The following CCDC88C variants were observed in gnomAD, a reference collection of about 807,000 sequenced individuals.
The protein encoded by CCDC88C is protein Daple.
In CCDC88C, 131 loss-of-function variants were observed where a neutral mutation model predicts 198.8. The ratio of observed to expected loss-of-function variants is 0.66; its 90% CI spans 0.57 to 0.76. The LOEUF is 0.76. Among genes scored for constraint, CCDC88C ranks in the 30% least tolerant of loss-of-function variants. CCDC88C has a pLI of 0.00. For synonymous variants in CCDC88C, 1,166 were observed against 1,114.7 expected (o/e 1.05, Z -0.92); for missense variants, 2,553 against 2,631.6 (o/e 0.97, Z 0.65).
At chr14:91,281,242 G>T in intron 27 of CCDC88C, 1 of 1,256,554 alleles carries the variant, frequency 8.0e-7, no homozygotes, top group Non-Finnish European at 1.1e-6. Flanking sequence ...CCAGAACTGT[G>T]ATGCTTGGGA....
intron 6 of CCDC88C, among the ~76,000 whole-genome samples, chr14:91,341,716 G>GC (rs1893316750): frequency 6.6e-6 from 1 of 152,180 alleles, no homozygotes; most frequent in Non-Finnish European, 1.5e-5. Context: ...CCTGGATACC[G>GC]CCCCCTAGGG....
At chr14:91,332,807 A>G (rs1892889552) in intron 10 of CCDC88C, among the ~76,000 whole-genome samples, 3 of 152,174 alleles carry the variant, frequency 2.0e-5, no homozygotes. Context: ...ACTGCAGAGC[A>G]AAGAGTGGTG....
rs17127220 is a variant in CCDC88C, at chr14:91,305,777, G to C, written c.3345C>G (p.Thr1115=). The change falls in exon 19 of 30, where the codon ACC becomes ACG. Residue 1115 remains threonine (T), a synonymous_variant. Transcript: ENST00000389857. ...GAGCCCCGCTCACCTGCAGCTTGGC[G>C]GTCTGGGTCTGCAGTGTGGTGTTGT... ...QEHNTTLQTQ[T]AKLQVENSTL... 9 of 1,600,962 alleles carry C rather than the reference G, an allele frequency of 5.6e-6. No homozygotes were observed. In the African/African-American group the frequency reaches 1.1e-4, roughly 19 times the overall value.
chr14:91,366,988 G>A (rs371224150), intron 3 of CCDC88C, among the ~76,000 whole-genome samples: 2 of 152,226 alleles, frequency 1.3e-5, no homozygotes, highest in East Asian at 1.9e-4. Flanking sequence ...TGGAAACACC[G>A]TTCTGTGCAT....
chr14:91,376,655 A>G (rs1307182869), intron 3 of CCDC88C, among the ~76,000 whole-genome samples: 1 of 152,218 alleles, frequency 6.6e-6, no homozygotes, highest in African/African-American at 2.4e-5. Flanking sequence ...GCAGAGGCAG[A>G]GAGCAGAGAT....
At position 91,338,780 on chromosome 14, in the gene CCDC88C, A is replaced by G; in HGVS notation, c.810-210T>C. On this transcript the variant is annotated intron_variant, in intron 8 of 29. Transcript: ENST00000389857. This position sits in a 1 kb window ranked among gnomAD's most constrained non-coding sequence, Gnocchi z 4.8. Reference sequence around the variant, plus strand: ...AGTTTGCAACACCGGCCCTTAAACTATGTCCATCCGCCACTCAGGTCTCCC... The same window carrying G: ...AGTTTGCAACACCGGCCCTTAAACTGTGTCCATCCGCCACTCAGGTCTCCC... The G allele has an allele frequency of 3.5e-6, 2 of 563,620 alleles. No homozygotes were observed. The highest frequency in any genetic ancestry group is 4.1e-5 in the South Asian group (2 of 48,260). 34.9% of individuals were successfully genotyped at this position (563,620 alleles called of 1,614,324 possible).
Position 91,271,581 on chromosome 14 carries a change from A to G in CCDC88C, c.*1044T>C, listed in dbSNP as rs1302810775. On this transcript the variant is annotated 3_prime_UTR_variant, in exon 30 of 30. Transcript: ENST00000389857. ...TCTGACCAAAGACACAAAGCAGCAGATAAGATTCCCGACAGAAGAGAGTGA... is the reference window on the plus strand; with the variant it reads ...TCTGACCAAAGACACAAAGCAGCAGGTAAGATTCCCGACAGAAGAGAGTGA... The G allele has an allele frequency of 1.3e-5, 2 of 152,234 alleles. No individual in the cohort carries two copies. Among genetic ancestry groups the G allele is most frequent in the East Asian group, 1.9e-4 (1 of 5,202 alleles). The allele number at this position is 152,234 out of a possible 1,614,324, so 9.4% of individuals were successfully genotyped here.
intron 23 of CCDC88C, 56 bp downstream of exon 23, chr14:91,294,117 G>A (rs1004800758): frequency 2.5e-6 from 4 of 1,601,370 alleles, no homozygotes; most frequent in Admixed American, 1.7e-5. Flanking sequence ...TCCAGAGACT[G>A]AGGATGTGCA....
chr14:91,276,586 AAC>A (rs1323728767), intron 29 of CCDC88C, among the ~76,000 whole-genome samples: 1 of 152,248 alleles, frequency 6.6e-6, no homozygotes, highest in Non-Finnish European at 1.5e-5. Flanking sequence ...ATATCTACCA[AAC>A]ACACACTTTC....
In CCDC88C at chr14:91,337,998, T is replaced by C. The variant is rs1567084591; in HGVS notation, c.1050+7A>G. On this transcript the variant is annotated splice_region_variant and intron_variant, in intron 10 of 29. Coordinates refer to ENST00000389857, the MANE Select transcript of CCDC88C (RefSeq NM_001080414.4). ...CCATCCAGGGGCCTCACAGCAAGGC[T>C]CCCTACCTCCATGCGGGCCTTGTAG... 1.9e-6 allele frequency: 3 copies of C among 1,609,642 alleles called. No individual in the cohort carries two copies. Among genetic ancestry groups the C allele is most frequent in the Middle Eastern group, 3.3e-4 (2 of 6,076 alleles).
At position 91,339,142 on chromosome 14, in the gene CCDC88C, C is replaced by T; in HGVS notation, c.809+136G>A. On this transcript the variant is annotated intron_variant, in intron 8 of 29. Coordinates refer to ENST00000389857, the MANE Select transcript of CCDC88C (RefSeq NM_001080414.4). This position sits in a 1 kb window ranked among gnomAD's most constrained non-coding sequence, Gnocchi z 5.8. ...AGCTAGTCCGAGGTCAAAGAGTAAG[C>T]TCAGGGCAGACCCCAGCTGACTCCG... 1 of 1,054,834 alleles carries T rather than the reference C, an allele frequency of 9.5e-7. No individual in the cohort carries two copies. Among genetic ancestry groups the T allele is most frequent in the Non-Finnish European group, 1.4e-6 (1 of 702,756 alleles). The allele number at this position is 1,054,834 out of a possible 1,614,324, so 65.3% of individuals were successfully genotyped here. A position where few individuals can be genotyped will look rare whatever the true frequency, so the allele number is the denominator to read the frequency against.
intron 3 of CCDC88C, among the ~76,000 whole-genome samples, chr14:91,389,320 G>A (rs974609167): frequency 6.6e-6 from 1 of 152,102 alleles, no homozygotes; most frequent in Admixed American, 6.5e-5. Flanking sequence ...CCTCCTCCTG[G>A]CCTTCCCGGC....
chr14:91,289,085 G>A lies in CCDC88C; in HGVS notation c.4441+20C>T, dbSNP rs1241376138. ...ACACCCCCTTCCTCACCCGACCACG[G>A]CCAGGACGGCCGCCCCTACCTTTCC... On this transcript the variant is annotated intron_variant, in intron 25 of 29. Transcript: ENST00000389857. 1 of 1,601,708 alleles carries A rather than the reference G, an allele frequency of 6.2e-7. No homozygotes were observed. The highest frequency in any genetic ancestry group is 8.5e-7 in the Non-Finnish European group (1 of 1,174,768).
chr14:91,289,067 C>T (rs1454977354), intron 25 of CCDC88C, 38 bp downstream of exon 25: 10 of 1,562,188 alleles, frequency 6.4e-6, no homozygotes, highest in South Asian at 1.1e-5. Context: ...AGGACACCCC[C>T]TTCCTCACCC....
At position 91,308,512 on chromosome 14, in the gene CCDC88C, A is replaced by G; in HGVS notation, c.2865-20T>C. Reference sequence around the variant, plus strand: ...TATTTTCTGGAAAACACAAAGATACAATAGTATCACTTATCTACTTCCTCT... The same window carrying G: ...TATTTTCTGGAAAACACAAAGATACGATAGTATCACTTATCTACTTCCTCT... On this transcript the variant is annotated intron_variant, in intron 16 of 29. Transcript: ENST00000389857. The G allele has an allele frequency of 6.2e-7, 1 of 1,612,042 alleles. No homozygotes were observed. Among genetic ancestry groups the G allele is most frequent in the Non-Finnish European group, 8.5e-7 (1 of 1,178,722 alleles).
rs1359255292 is a variant in CCDC88C, at chr14:91,325,014, G to A, written c.1198-91C>T. 5 of 1,502,400 alleles carry A rather than the reference G, an allele frequency of 3.3e-6. No homozygotes were observed. In the African/African-American group the frequency reaches 6.9e-5, roughly 21 times the overall value. The allele number at this position is 1,502,400 out of a possible 1,614,324, so 93.1% of individuals were successfully genotyped here. A position where few individuals can be genotyped will look rare whatever the true frequency, so the allele number is the denominator to read the frequency against. ...AGCCCCTGTATAGCTACCGTCATGT[G>A]CTGTGGATGAAGATGTACTGGCTCA... On this transcript the variant is annotated intron_variant, in intron 11 of 29. Transcript: ENST00000389857. The surrounding 1 kb of genome is among the most constrained non-coding windows in gnomAD (Gnocchi z 4.1).
chr14:91,376,214 T>A (rs1312650116), intron 3 of CCDC88C, among the ~76,000 whole-genome samples: 1 of 152,180 alleles, frequency 6.6e-6, no homozygotes, highest in Non-Finnish European at 1.5e-5. Flanking sequence ...CAGAGCCTCC[T>A]GAAACACCCA....
chr14:91,377,814 T>C (rs1009168818), intron 3 of CCDC88C, among the ~76,000 whole-genome samples: 3 of 152,182 alleles, frequency 2.0e-5, no homozygotes, highest in African/African-American at 7.2e-5. Flanking sequence ...GTTGCCCCTC[T>C]GTGGGGACTG....
chr14:91,377,545 G>C (rs924954475), intron 3 of CCDC88C, among the ~76,000 whole-genome samples: 4 of 149,890 alleles, frequency 2.7e-5, no homozygotes, highest in South Asian at 2.1e-4. Flanking sequence ...AATGCAGATG[G>C]CCCCCCCCCG....
Sources: allele counts gnomAD v4.1 joint callset (sites outside exome capture counted in the v4.1 genomes callset), GRCh38; gene constraint gnomAD v4.1.1; non-coding constraint Gnocchi (gnomAD v3.1); transcripts MANE v1.5; gene names NCBI Gene and HGNC (gene_info 2026-07-23, HGNC 2026-07-21).